The following SH3RF3 variants were observed in gnomAD, a reference collection of about 807,000 sequenced individuals.
SH3RF3 encodes SH3 domain containing ring finger 3.
In SH3RF3, 29 loss-of-function variants were observed where a neutral mutation model predicts 66.3. The ratio of observed to expected loss-of-function variants is 0.44; its 90% CI spans 0.33 to 0.60. SH3RF3 has a LOEUF of 0.60. Among genes scored for constraint, SH3RF3 ranks in the 20% least tolerant of loss-of-function variants. The pLI is 0.04. For synonymous variants in SH3RF3, 583 were observed against 532.0 expected, an observed-to-expected ratio of 1.10 and a Z score of -1.32; for missense variants, 1,194 against 1,190.9, an observed-to-expected ratio of 1.00 and a Z score of -0.04.
intron 9 of SH3RF3, among the ~76,000 whole-genome samples, chr2:109,498,392 C>A (rs1046745748): frequency 6.6e-6 from 1 of 152,186 alleles, no homozygotes; most frequent in Non-Finnish European, 1.5e-5. Flanking sequence ...CTGGTGCAAG[C>A]TGGGCCTGTG....
At chr2:109,130,135 A>G in intron 1 of SH3RF3, 22 bp downstream of exon 1, 1 of 1,280,718 alleles carries the variant, frequency 7.8e-7, no homozygotes, top group South Asian at 2.5e-5. Flanking sequence ...TCTCGGCGGA[A>G]GTGGCCACGG....
chr2:109,159,125 GAAAC>G (rs1401524773), intron 1 of SH3RF3, among the ~76,000 whole-genome samples: 3 of 123,702 alleles, frequency 2.4e-5, no homozygotes, highest in African/African-American at 7.9e-5. Flanking sequence ...TCAAAACAAA[GAAAC>G]AAAAAGGTGC....
rs184345923 is a variant in SH3RF3 at position 109,249,858 on chromosome 2, T to A, written c.574-97816T>A. On this transcript the variant is annotated intron_variant, in intron 1 of 9. Coordinates refer to ENST00000309415, the MANE Select transcript of SH3RF3 (RefSeq NM_001099289.3). The stretch of plus-strand genomic sequence containing the variant: ...TTATTTATTTATTTTTTAATTTTTT[T>A]ATTTTTTAGTAGAGACGGGGTTTCA... 4.1e-3 allele frequency among the ~76,000 whole-genome samples: 621 copies of A among 151,720 alleles called. 4 individuals carry two copies. The highest frequency in any genetic ancestry group is 6.1e-3 in the Admixed American group (93 of 15,262).
intron 8 of SH3RF3, among the ~76,000 whole-genome samples, chr2:109,477,108 G>A (rs895236959): frequency 2.0e-4 from 30 of 152,256 alleles, no homozygotes; most frequent in Admixed American, 9.2e-4. Flanking sequence ...ATGTTACCTA[G>A]CCCCTACTCA....
chr2:109,425,553 C>T (rs757178758), intron 5 of SH3RF3, among the ~76,000 whole-genome samples: 10 of 152,160 alleles, frequency 6.6e-5, no homozygotes, highest in Non-Finnish European at 1.3e-4. Flanking sequence ...TTTGCCATTC[C>T]GAGAACCCTA....
chr2:109,418,999 C>T (rs979579958), intron 4 of SH3RF3, among the ~76,000 whole-genome samples: 9 of 152,120 alleles, frequency 5.9e-5, no homozygotes, highest in African/African-American at 2.2e-4. Context: ...GGGTCATCTC[C>T]TTGCTTAAAA....
chr2:109,331,133 G>A (rs979821617), intron 1 of SH3RF3, among the ~76,000 whole-genome samples: 1 of 152,170 alleles, frequency 6.6e-6, no homozygotes, highest in African/African-American at 2.4e-5. Flanking sequence ...AAACTCAAAA[G>A]CGGTTTCATT....
chr2:109,313,350 C>A (rs7570560), intron 1 of SH3RF3, among the ~76,000 whole-genome samples: 1 of 152,086 alleles, frequency 6.6e-6, no homozygotes, highest in Non-Finnish European at 1.5e-5. Context: ...TATTTAAATG[C>A]AGTTCAGCCT....
In SH3RF3 at chr2:109,433,925, T is replaced by A. The variant is rs543694322; in HGVS notation, c.1574+1254T>A. Among the ~76,000 whole-genome samples the A allele has an allele frequency of 6.6e-5, 10 of 152,324 alleles. No individual in the cohort carries two copies. In the South Asian group the frequency reaches 1.7e-3, roughly 25 times the overall value. Reference sequence around the variant, plus strand: ...CCACCTGGTCAGAGGGGTGGCTACTTAGAGGGTGAGCTGCCCACAGCCTCC... The same window carrying A: ...CCACCTGGTCAGAGGGGTGGCTACTAAGAGGGTGAGCTGCCCACAGCCTCC... On this transcript the variant is annotated intron_variant, in intron 6 of 9. Transcript: ENST00000309415.
chr2:109,134,768 G>A (rs1676779880), intron 1 of SH3RF3, among the ~76,000 whole-genome samples: 1 of 152,174 alleles, frequency 6.6e-6, no homozygotes, highest in Non-Finnish European at 1.5e-5. Context: ...AACATAAGCA[G>A]TGGCCACCCC....
At chr2:109,370,826 A>G (rs1047558519) in intron 2 of SH3RF3, among the ~76,000 whole-genome samples, 1 of 151,932 alleles carries the variant, frequency 6.6e-6, no homozygotes, top group Non-Finnish European at 1.5e-5. Context: ...TATACTTGGT[A>G]TTGTTTAATA....
rs527935653 is a variant in SH3RF3, at chr2:109,133,543, A to G, written c.573+3430A>G. Among the ~76,000 whole-genome samples the G allele has an allele frequency of 7.2e-5, 11 of 151,984 alleles. No individual in the cohort carries two copies. In the South Asian group the frequency reaches 2.3e-3, roughly 32 times the overall value. ...ACACAGTCACCTTTTATGATTTTCT[A>G]TTTGTTTCTTTCAAATAGAGTGAAG... On this transcript the variant is annotated intron_variant, in intron 1 of 9. Coordinates refer to ENST00000309415, the MANE Select transcript of SH3RF3 (RefSeq NM_001099289.3).
chr2:109,499,099 A>T (rs12613362), intron 9 of SH3RF3, among the ~76,000 whole-genome samples: 17,753 of 152,204 alleles, frequency 0.12, 1,544 homozygotes, highest in East Asian at 0.29. Flanking sequence ...ACTCAGTCCA[A>T]GCAGGGTGAA....
At chr2:109,173,601 C>A (rs116340368) in intron 1 of SH3RF3, among the ~76,000 whole-genome samples, 1 of 152,198 alleles carries the variant, frequency 6.6e-6, no homozygotes, top group Non-Finnish European at 1.5e-5. Context: ...ACCCCGCAGC[C>A]TGCAGTGGTT....
At chr2:109,295,025 G>C (rs74844267) in intron 1 of SH3RF3, among the ~76,000 whole-genome samples, 2 of 152,354 alleles carry the variant, frequency 1.3e-5, no homozygotes, top group East Asian at 3.9e-4. Flanking sequence ...ATTAGCCATC[G>C]CTATGAATTC....
Position 109,380,199 on chromosome 2 carries a change from C to T in SH3RF3, c.945+8518C>T, listed in dbSNP as rs527967636. 5.9e-5 allele frequency among the ~76,000 whole-genome samples: 9 copies of T among 152,230 alleles called. No individual in the cohort carries two copies. In the South Asian group the frequency reaches 6.2e-4, roughly 11 times the overall value. ...CAAAAATAGGTAGGTGCCTAGGTAC[C>T]GGCTCGCCCTGATTTCTCTCTTCTT... is the stretch of plus-strand genomic sequence containing the variant. On this transcript the variant is annotated intron_variant, in intron 3 of 9. Coordinates refer to ENST00000309415, the MANE Select transcript of SH3RF3 (RefSeq NM_001099289.3).
chr2:109,337,428 C>T (rs1246024680), intron 1 of SH3RF3, among the ~76,000 whole-genome samples: 1 of 152,238 alleles, frequency 6.6e-6, no homozygotes, highest in Non-Finnish European at 1.5e-5. Context: ...GCGCCTTGCA[C>T]TGTGGCCACC....
At chr2:109,130,385 T>C (rs1421295143) in intron 1 of SH3RF3, among the ~76,000 whole-genome samples, 2 of 152,222 alleles carry the variant, frequency 1.3e-5, no homozygotes, top group Admixed American at 6.5e-5. Context: ...CCGGACTTGT[T>C]ACCCTGCCTC....
chr2:109,403,995 A>G (rs1676384063), intron 4 of SH3RF3, among the ~76,000 whole-genome samples: 1 of 152,118 alleles, frequency 6.6e-6, no homozygotes, highest in Non-Finnish European at 1.5e-5. Flanking sequence ...TCAGGGAATC[A>G]GGGAATGAAT....
Sources: allele counts gnomAD v4.1 joint callset (sites outside exome capture counted in the v4.1 genomes callset), GRCh38; gene constraint gnomAD v4.1.1; transcripts MANE v1.5; gene names NCBI Gene and HGNC (gene_info 2026-07-23, HGNC 2026-07-21).